The following DENND6A variants were observed in gnomAD, a reference collection of about 807,000 sequenced individuals.
DENND6A encodes DENN domain containing 6A.
In DENND6A, 43 loss-of-function variants were observed where a neutral mutation model predicts 95.5. The observed-to-expected ratio is 0.45, with a 90% confidence interval of 0.35 to 0.58. The LOEUF is 0.58. DENND6A is among the 20% of genes least tolerant of loss of function. The probability of loss-of-function intolerance (pLI) is 0.00; values close to 1 mark genes in which losing one functional copy is unlikely to be tolerated. For missense variants in DENND6A, 574 were observed against 736.0 expected (o/e 0.78, Z 2.55); for synonymous variants, 257 against 260.4 (o/e 0.99, Z 0.13).
At chr3:57,657,042 T>C (rs1575841826) in intron 9 of DENND6A, among the ~76,000 whole-genome samples, 1 of 152,252 alleles carries the variant, frequency 6.6e-6, no homozygotes, top group Non-Finnish European at 1.5e-5. Context: ...TGCTCATTTA[T>C]AGCAGTGGTT....
At chr3:57,677,091 T>C (rs182295960) in intron 1 of DENND6A, among the ~76,000 whole-genome samples, 10 of 152,336 alleles carry the variant, frequency 6.6e-5, no homozygotes, top group African/African-American at 2.2e-4. Flanking sequence ...CCCAAAGTGT[T>C]AGAATTACAG....
intron 12 of DENND6A, among the ~76,000 whole-genome samples, chr3:57,639,982 G>A (rs2070888129): frequency 6.6e-6 from 1 of 152,076 alleles, no homozygotes; most frequent in Admixed American, 6.5e-5. Context: ...TTTAAAAGTA[G>A]TGGTTGCTGG....
In DENND6A at chr3:57,627,395, T is replaced by A. The variant is rs2070555586; in HGVS notation, c.*819A>T. 1 of 152,130 alleles carries A rather than the reference T, an allele frequency of 6.6e-6. No homozygotes were observed. The highest frequency in any genetic ancestry group is 1.9e-4 in the East Asian group (1 of 5,188). 9.4% of individuals were successfully genotyped at this position (152,130 alleles called of 1,614,324 possible). ...TCGACCTTAAGTGACCTGTCCACCT[T>A]GGCCTCCCAAAGTGCTAGGATTACA... On this transcript the variant is annotated 3_prime_UTR_variant, in exon 20 of 20. Transcript: ENST00000311128.
chr3:57,645,682 T>A lies in DENND6A; in HGVS notation c.1016A>T (p.Tyr339Phe). The change falls in exon 11 of 20, where the codon TAT becomes TTT. Residue 339 changes from tyrosine (Y) to phenylalanine (F), a missense_variant. Physicochemically the swap from Tyr to Phe is conservative, Grantham distance 22 (BLOSUM62 3). Transcript: ENST00000311128. ...FTIHDSEFKE[Y>F]TTRTQAPPSV... ...TTACGGAGCTTGGGTACGGGTAGTA[T>A]ATTCTTTGAATTCACTATCATGAAT... is the stretch of plus-strand genomic sequence containing the variant. 6.2e-7 allele frequency: 1 copy of A among 1,612,892 alleles called. No homozygotes were observed. The highest frequency in any genetic ancestry group is 8.5e-7 in the Non-Finnish European group (1 of 1,179,256).
At chr3:57,661,401 G>A (rs1015895126) in intron 6 of DENND6A, 45 bp downstream of exon 6, 5 of 1,362,730 alleles carry the variant, frequency 3.7e-6, no homozygotes, top group Non-Finnish European at 4.9e-6. Flanking sequence ...CTTATTTCCA[G>A]TAAAAATTTT....
At chr3:57,669,311 C>A (rs1037408758) in intron 3 of DENND6A, among the ~76,000 whole-genome samples, 2 of 152,100 alleles carry the variant, frequency 1.3e-5, no homozygotes, top group African/African-American at 4.8e-5. Flanking sequence ...CAGCAAAGTG[C>A]CTGCTTTCAG....
chr3:57,672,321 T>C, intron 2 of DENND6A, 23 bp from the exon 3 acceptor site: 1 of 1,610,132 alleles, frequency 6.2e-7, no homozygotes, highest in Non-Finnish European at 8.5e-7. Context: ...ACAAAAGTGA[T>C]GTATGCTGAC....
At position 57,651,327 on chromosome 3, in the gene DENND6A, A is replaced by T. The variant is rs532159087; in HGVS notation, c.819-4889T>A. Among the ~76,000 whole-genome samples, 4 of 152,320 alleles carry T rather than the reference A, an allele frequency of 2.6e-5. No homozygotes were observed. In the South Asian group the frequency reaches 6.2e-4, roughly 24 times the overall value. On this transcript the variant is annotated intron_variant, in intron 9 of 19. Coordinates refer to ENST00000311128, the MANE Select transcript of DENND6A (RefSeq NM_152678.3). Reference sequence around the variant, plus strand: ...GGGTTTAACAGGACATAACCCCCTTATAAGTCTAGGAGCATCTGTACTGAT... The same window carrying T: ...GGGTTTAACAGGACATAACCCCCTTTTAAGTCTAGGAGCATCTGTACTGAT...
intron 1 of DENND6A, among the ~76,000 whole-genome samples, chr3:57,678,919 C>T (rs1234222436): frequency 6.6e-6 from 1 of 152,218 alleles, no homozygotes; most frequent in East Asian, 1.9e-4. Flanking sequence ...GTCTGGCCAA[C>T]ATGGCAAAAC....
intron 11 of DENND6A, among the ~76,000 whole-genome samples, chr3:57,642,635 T>A (rs1205973186): frequency 6.6e-6 from 1 of 152,090 alleles, no homozygotes; most frequent in Admixed American, 6.6e-5. Context: ...GAAGTTTAGA[T>A]GTTATCTTAC....
chr3:57,681,320 C>A (rs1457997751), intron 1 of DENND6A, among the ~76,000 whole-genome samples: 2 of 151,908 alleles, frequency 1.3e-5, no homozygotes, highest in African/African-American at 4.8e-5. Context: ...AAAAATTAGC[C>A]AGGCGTGGTG....
rs539636680 is a variant in DENND6A at position 57,644,394 on chromosome 3, C to T, written c.1037+1267G>A. 4.6e-5 allele frequency among the ~76,000 whole-genome samples: 7 copies of T among 151,932 alleles called. No homozygotes were observed. In the East Asian group the frequency reaches 1.4e-3, roughly 30 times the overall value. ...GATCTGAGTTCACTGCAACCTCTGCCTCCTAGGCTCAAGCCATCCTCCCAC... is the reference window on the plus strand; with the variant it reads ...GATCTGAGTTCACTGCAACCTCTGCTTCCTAGGCTCAAGCCATCCTCCCAC... On this transcript the variant is annotated intron_variant, in intron 11 of 19. Coordinates refer to ENST00000311128, the MANE Select transcript of DENND6A (RefSeq NM_152678.3).
intron 7 of DENND6A, among the ~76,000 whole-genome samples, chr3:57,659,688 TGCAAA>T (rs1367225680): frequency 6.6e-6 from 1 of 152,230 alleles, no homozygotes; most frequent in African/African-American, 2.4e-5. Flanking sequence ...GACAGTGACT[TGCAAA>T]GCACTTAGGG....
chr3:57,635,593 G>A (rs1482640082), intron 12 of DENND6A, among the ~76,000 whole-genome samples: 1 of 152,098 alleles, frequency 6.6e-6, no homozygotes, highest in African/African-American at 2.4e-5. Context: ...TATAATTGAA[G>A]CCTCTAAATT....
chr3:57,644,462 C>T (rs1290967915), intron 11 of DENND6A, among the ~76,000 whole-genome samples: 11 of 151,386 alleles, frequency 7.3e-5, no homozygotes, highest in Admixed American at 7.3e-4. Context: ...CATGCCACCA[C>T]ATCCAGCTAA....
At chr3:57,642,083 G>A (rs1260013232) in intron 11 of DENND6A, among the ~76,000 whole-genome samples, 1 of 152,070 alleles carries the variant, frequency 6.6e-6, no homozygotes, top group Non-Finnish European at 1.5e-5. Flanking sequence ...CGGAGGCTGA[G>A]GCGGGCAGAT....
intron 12 of DENND6A, among the ~76,000 whole-genome samples, chr3:57,635,950 C>G (rs191289285): frequency 6.6e-6 from 1 of 152,274 alleles, no homozygotes; most frequent in East Asian, 1.9e-4. Context: ...TCCACTTCCA[C>G]TTAATGAACA....
intron 9 of DENND6A, among the ~76,000 whole-genome samples, chr3:57,653,251 C>A (rs1414549416): frequency 5.9e-5 from 9 of 152,018 alleles, no homozygotes; most frequent in Non-Finnish European, 1.2e-4. Context: ...CTTTAAGGCA[C>A]CAAGTTGCAA....
Position 57,657,642 on chromosome 3 carries a change from C to A in DENND6A, c.818+38G>T, listed in dbSNP as rs764379082. ...ATAAATTAACACCACCACCACAAAGCAAAAGGAAGTCAGTTAATAAAATTT... is the reference window on the plus strand; with the variant it reads ...ATAAATTAACACCACCACCACAAAGAAAAAGGAAGTCAGTTAATAAAATTT... On this transcript the variant is annotated intron_variant, in intron 9 of 19. Transcript: ENST00000311128. 4 of 1,373,328 alleles carry A rather than the reference C, an allele frequency of 2.9e-6. No homozygotes were observed. The Admixed American group carries it at 6.0e-5, about 21-fold the overall frequency. The allele number at this position is 1,373,328 out of a possible 1,614,324, so 85.1% of individuals were successfully genotyped here. A position where few individuals can be genotyped will look rare whatever the true frequency, so the allele number is the denominator to read the frequency against.
Sources: allele counts gnomAD v4.1 joint callset (sites outside exome capture counted in the v4.1 genomes callset), GRCh38; gene constraint gnomAD v4.1.1; transcripts MANE v1.5; gene names NCBI Gene and HGNC (gene_info 2026-07-23, HGNC 2026-07-21).